The following FANCA variants were observed in gnomAD, a reference collection of about 807,000 sequenced individuals.
FANCA encodes the protein Fanconi anemia group A protein.
Under a neutral mutation model 194.3 loss-of-function variants are expected in FANCA, and 236 were observed. That is an observed-to-expected ratio of 1.21 (90% confidence interval 1.09 to 1.35). The LOEUF (loss-of-function observed/expected upper bound fraction) is 1.35. Among genes scored for constraint, FANCA ranks in the 40% most tolerant of loss-of-function variants. The probability of loss-of-function intolerance (pLI) is 0.00; values close to 1 mark genes in which losing one functional copy is unlikely to be tolerated. For synonymous variants in FANCA, 1,014 were observed against 715.8 expected (o/e 1.42, Z -6.65); for missense variants, 2,628 against 1,813.9 (o/e 1.45, Z -8.15).
chr16:89,798,848 G>T, intron 10 of FANCA: 2 of 1,512,256 alleles, frequency 1.3e-6, no homozygotes, highest in Admixed American at 2.0e-5. Flanking sequence ...ACCCAGGGAA[G>T]GAGGAGCAAG....
chr16:89,791,272 G>C (rs867068781), intron 14 of FANCA, 131 bp downstream of exon 14: 4 of 1,261,264 alleles, frequency 3.2e-6, no homozygotes, highest in South Asian at 1.3e-5. Context: ...GATCTGCCAA[G>C]GCCACTCGGC....
chr16:89,738,867 G>C lies in FANCA; in HGVS notation c.4260+15C>G. On this transcript the variant is annotated intron_variant, in intron 42 of 42. Coordinates refer to ENST00000389301, the MANE Select transcript of FANCA (RefSeq NM_000135.4). ...ATGTCCCCCACATGGCCCAAGGTGG[G>C]CATCTTGACGTTACCTCTGCCACGT... 1 of 1,614,230 alleles carries C rather than the reference G, an allele frequency of 6.2e-7. No homozygotes were observed. The highest frequency in any genetic ancestry group is 8.5e-7 in the Non-Finnish European group (1 of 1,180,040).
intron 29 of FANCA, 60 bp from the exon 30 acceptor site, chr16:89,758,765 T>C: frequency 1.2e-6 from 2 of 1,603,424 alleles, no homozygotes; most frequent in Admixed American, 1.7e-5. Context: ...CGGTTCCCCA[T>C]AACCAGGGAA....
rs757760966 is a variant in FANCA, at chr16:89,791,999, G to A, written c.1153C>T (p.His385Tyr). The A allele has an allele frequency of 7.4e-6, 12 of 1,614,066 alleles. No individual in the cohort carries two copies. Among genetic ancestry groups the A allele is most frequent in the Non-Finnish European group, 1.0e-5 (12 of 1,180,036 alleles). Residue 385 changes from histidine (H) to tyrosine (Y), a missense_variant, in exon 13 of 43, where the codon CAC (histidine) becomes TAC (tyrosine). His to Tyr is a moderately conservative substitution (Grantham distance 83, BLOSUM62 2). Coordinates refer to ENST00000389301, the MANE Select transcript of FANCA (RefSeq NM_000135.4). ...ACAAAGGAGAGCACTCTCTGCCAGT[G>A]AACCTCCTGCGTTTCCAGAACTTCT... ...LQEVLETQEV[H>Y]WQRVLSFVSA...
intron 6 of FANCA, among the ~76,000 whole-genome samples, chr16:89,806,486 G>A (rs887618392): frequency 6.6e-6 from 1 of 151,662 alleles, no homozygotes; most frequent in Admixed American, 6.6e-5. Context: ...CCTAGGCAGA[G>A]GACCCTGAGG....
rs777991781 is a variant in FANCA, at chr16:89,816,591, A to G, written c.25T>C (p.Ser9Pro). The G allele has an allele frequency of 2.0e-6, 3 of 1,525,648 alleles. No individual in the cohort carries two copies. Among genetic ancestry groups the G allele is most frequent in the Non-Finnish European group, 1.7e-6 (2 of 1,144,728 alleles). 94.5% of individuals were successfully genotyped at this position (1,525,648 alleles called of 1,614,324 possible). A position where few individuals can be genotyped will look rare whatever the true frequency, so the allele number is the denominator to read the frequency against. The change falls in exon 1 of 43, where the codon TCC becomes CCC. Residue 9 changes from serine (S) to proline (P), a missense_variant. By Grantham distance (74) the Ser-to-Pro change is moderately conservative. Transcript: ENST00000389301. ...CCCCCTGGGTCCTGGCCCGAGGCGG[A>G]GTTCGGGACCCACGAGTCGGACATG... is the stretch of plus-strand genomic sequence containing the variant. MSDSWVPN[S>P]ASGQDPGGRR...
chr16:89,808,157 A>C, intron 6 of FANCA, 137 bp downstream of exon 6: 2 of 789,672 alleles, frequency 2.5e-6, no homozygotes, highest in Non-Finnish European at 2.3e-6. Context: ...TAGTATAAAT[A>C]TGCAATGCAA....
At chr16:89,781,519 C>CA (rs1425566235) in intron 17 of FANCA, among the ~76,000 whole-genome samples, 1 of 142,360 alleles carries the variant, frequency 7.0e-6, no homozygotes, top group Non-Finnish European at 1.5e-5. Flanking sequence ...TAAAAAAATA[C>CA]AAAAAAATTA....
At chr16:89,740,933 G>T in intron 37 of FANCA, 67 bp from the exon 38 acceptor site, 1 of 1,383,886 alleles carries the variant, frequency 7.2e-7, no homozygotes, top group South Asian at 1.2e-5. Context: ...AAATAAGGCT[G>T]ACACATTCCT....
In FANCA at chr16:89,746,600, A is replaced by G. The variant is rs779473820; in HGVS notation, c.3497T>C (p.Ile1166Thr). 6.2e-7 allele frequency: 1 copy of G among 1,614,126 alleles called. No individual in the cohort carries two copies. The highest frequency in any genetic ancestry group is 1.7e-5 in the Admixed American group (1 of 60,022). The change falls in exon 35 of 43, where the codon ATT (isoleucine) becomes ACT (threonine). Residue 1166 changes from isoleucine (I) to threonine (T), a missense_variant. Physicochemically the swap from Ile to Thr is moderately conservative, Grantham distance 89. Coordinates refer to ENST00000389301, the MANE Select transcript of FANCA (RefSeq NM_000135.4). ...CTGACCCACCAGAGCAGAGGTCAAA[A>G]TTAAGGGGCATTTCGTCTGGCACTT... Reference protein sequence around the residue: ...LAKCQTKCPLILTSALVWWPS... With the variant: ...LAKCQTKCPLTLTSALVWWPS...
Position 89,740,805 on chromosome 16 carries a change from T to C in FANCA, c.3827A>G (p.Asn1276Ser). The C allele has an allele frequency of 6.2e-7, 1 of 1,613,250 alleles. No individual in the cohort carries two copies. Among genetic ancestry groups the C allele is most frequent in the Non-Finnish European group, 8.5e-7 (1 of 1,179,494 alleles). ...CTTGGCTGGTAAGGTCTGACTTACA[T>C]TTGAGGTCAGATGTGACGACAGCAG... is the stretch of plus-strand genomic sequence containing the variant. Reference protein sequence around the residue: ...MGLLSSHLTSNSTTDLPKAFH... With the variant: ...MGLLSSHLTSSSTTDLPKAFH... The change falls in exon 38 of 43, where the codon AAT (asparagine) becomes AGT (serine). Residue 1276 changes from asparagine to serine, a missense_variant and splice_region_variant. Asn to Ser is a conservative substitution (Grantham distance 46). Transcript: ENST00000389301.
chr16:89,779,350 G>A (rs373173832), intron 18 of FANCA, among the ~76,000 whole-genome samples: 6 of 152,130 alleles, frequency 3.9e-5, no homozygotes, highest in African/African-American at 1.4e-4. Context: ...TCATCCACAT[G>A]TGTAACCACC....
chr16:89,774,623 G>A (rs543333767), intron 21 of FANCA, among the ~76,000 whole-genome samples: 143 of 151,188 alleles, frequency 9.5e-4, no homozygotes, highest in African/African-American at 3.3e-3. Context: ...CCAGCCACTC[G>A]GGAGGCTGAG....
At chr16:89,808,401 A>G in intron 5 of FANCA, 34 bp from the exon 6 acceptor site, 1 of 1,606,562 alleles carries the variant, frequency 6.2e-7, no homozygotes, top group Non-Finnish European at 8.5e-7. Flanking sequence ...AAAAACAAAA[A>G]CAAAAAAACC....
Position 89,752,051 on chromosome 16 carries a change from T to TGA in FANCA, c.3066+85_3066+86dup. The TGA allele has an allele frequency of 5.8e-6, 7 of 1,204,514 alleles. No individual in the cohort carries two copies. The South Asian group carries it at 7.2e-5, about 12-fold the overall frequency. The allele number at this position is 1,204,514 out of a possible 1,614,324, so 74.6% of individuals were successfully genotyped here. ...TCCCAAAGTTCTGGGATTACAGGCG[T>TGA]GAGCCACCGCGCCTGGCAATAAATA... On this transcript the variant is annotated intron_variant, in intron 31 of 42. Coordinates refer to ENST00000389301, the MANE Select transcript of FANCA (RefSeq NM_000135.4).
At chr16:89,783,217 A>C in intron 15 of FANCA, 115 bp from the exon 16 acceptor site, 1 of 797,630 alleles carries the variant, frequency 1.3e-6, no homozygotes, top group Non-Finnish European at 2.2e-6. Flanking sequence ...ACAGCCCTTT[A>C]CAGTCAGACT....
intron 37 of FANCA, 42 bp from the exon 38 acceptor site, chr16:89,740,908 C>T (rs972488096): frequency 2.6e-6 from 4 of 1,531,020 alleles, no homozygotes; most frequent in South Asian, 1.2e-5. Flanking sequence ...TTAAAATTAC[C>T]TGTGCTGTCA....
At chr16:89,808,731 C>A (rs1288139949) in intron 5 of FANCA, among the ~76,000 whole-genome samples, 1 of 152,208 alleles carries the variant, frequency 6.6e-6, no homozygotes, top group Non-Finnish European at 1.5e-5. Context: ...CTCCTCGAAG[C>A]TGCCAGGACA....
chr16:89,744,686 C>A, intron 36 of FANCA: 7 of 395,742 alleles, frequency 1.8e-5, no homozygotes, highest in East Asian at 5.0e-5. Context: ...TGTTTTTTTT[C>A]TGGACAGAGT....
Sources: gnomAD v4.1 joint callset for allele counts (sites outside exome capture counted in the v4.1 genomes callset) on GRCh38, gnomAD v4.1.1 for gene constraint, MANE v1.5 for transcripts, NCBI Gene and HGNC (gene_info 2026-07-23, HGNC 2026-07-21) for gene names.